GAB1: variants seen among roughly 807,000 people sequenced by gnomAD.
The protein encoded by GAB1 is GRB2-associated-binding protein 1.
In GAB1, 19 loss-of-function variants were observed where a neutral mutation model predicts 66.5. The ratio of observed to expected loss-of-function variants is 0.29; its 90% confidence interval spans 0.20 to 0.42. The LOEUF (loss-of-function observed/expected upper bound fraction) is 0.42, where lower values mean the gene tolerates loss of function less well. GAB1 is among the 10% of genes least tolerant of loss of function. The pLI is 1.00. For synonymous variants in GAB1, 294 were observed against 301.4 expected, an observed-to-expected ratio of 0.98 and a Z score of 0.25; for missense variants, 732 against 858.5, an observed-to-expected ratio of 0.85 and a Z score of 1.84.
intron 1 of GAB1, among the ~76,000 whole-genome samples, chr4:143,371,599 G>T (rs1338679427): frequency 6.6e-6 from 1 of 152,138 alleles, no homozygotes; most frequent in South Asian, 2.1e-4. Context: ...ATTGCTTTTG[G>T]TGTTTTAGTC....
rs190175423 is a variant in GAB1, at chr4:143,462,832, T to A, written c.1803+2345T>A. Among the ~76,000 whole-genome samples the A allele has an allele frequency of 1.4e-4, 22 of 152,208 alleles. No individual in the cohort carries two copies. In the East Asian group the frequency reaches 4.1e-3, roughly 28 times the overall value. ...TTGCGCCACCACACACGACTAATTT[T>A]TGTGTTTTTGGTAGAGACAGGGTTT... On this transcript the variant is annotated intron_variant, in intron 8 of 9. Transcript: ENST00000262994.
At chr4:143,463,051 GA>G (rs1228285663) in intron 8 of GAB1, among the ~76,000 whole-genome samples, 1 of 152,120 alleles carries the variant, frequency 6.6e-6, no homozygotes, top group Admixed American at 6.5e-5. Context: ...AAGTACAATA[GA>G]AAAGTCAACA....
At chr4:143,349,580 C>T (rs1729110939) in intron 1 of GAB1, 1 of 1,503,146 alleles carries the variant, frequency 6.7e-7, no homozygotes, top group Non-Finnish European at 9.0e-7. Context: ...ATGAGGTGCA[C>T]CAGCACAGAG....
intron 1 of GAB1, among the ~76,000 whole-genome samples, chr4:143,409,394 C>CA (rs907397631): frequency 6.7e-6 from 1 of 149,710 alleles, no homozygotes; most frequent in Non-Finnish European, 1.5e-5. Flanking sequence ...TTTCCCCCCC[C>CA]CCGCTCTGAA....
chr4:143,425,893 C>G lies in GAB1; in HGVS notation c.368-7598C>G, dbSNP rs185255814. On this transcript the variant is annotated intron_variant, in intron 2 of 9. Transcript: ENST00000262994. ...TGGTCTGCAGCTCCCACTGCTCAGG[C>G]CACTGAATGGGTAGGAGCAACCACT... is the stretch of plus-strand genomic sequence containing the variant. 8,781 of 1,416,184 alleles carry G rather than the reference C, an allele frequency of 6.2e-3. 37 individuals are homozygous for G. Among genetic ancestry groups the G allele is most frequent in the Non-Finnish European group, 7.2e-3 (7,361 of 1,016,898 alleles). 87.7% of individuals were successfully genotyped at this position (1,416,184 alleles called of 1,614,324 possible).
intron 1 of GAB1, among the ~76,000 whole-genome samples, chr4:143,357,672 A>C (rs1729503339): frequency 6.6e-6 from 1 of 152,132 alleles, no homozygotes; most frequent in Non-Finnish European, 1.5e-5. Flanking sequence ...GGTAGTTTCC[A>C]TAGTTTGGGC....
intron 1 of GAB1, among the ~76,000 whole-genome samples, chr4:143,358,054 G>A (rs183158138): frequency 2.0e-3 from 312 of 152,218 alleles, no homozygotes; most frequent in African/African-American, 7.1e-3. Flanking sequence ...ACCTAGGAAA[G>A]AACTCCGGTA....
At chr4:143,444,086 T>G (rs1311956946) in intron 6 of GAB1, among the ~76,000 whole-genome samples, 1 of 152,164 alleles carries the variant, frequency 6.6e-6, no homozygotes, top group Non-Finnish European at 1.5e-5. Flanking sequence ...ACAGGACAAA[T>G]TATATTTTGA....
rs1286050799 is a variant in GAB1, at chr4:143,418,590, G to A, written c.367+2819G>A. The stretch of plus-strand genomic sequence containing the variant: ...GCCTTTTCAATGTAGAATTTGTTTG[G>A]GGGGACATAAGGGCAGACTTTTGTC... On this transcript the variant is annotated intron_variant, in intron 2 of 9. Coordinates refer to ENST00000262994, the MANE Select transcript of GAB1 (RefSeq NM_002039.4). 2.0e-5 allele frequency among the ~76,000 whole-genome samples: 3 copies of A among 151,978 alleles called. No individual in the cohort carries two copies. In the East Asian group the frequency reaches 5.8e-4, roughly 29 times the overall value.
chr4:143,410,073 C>G lies in GAB1; in HGVS notation c.73-5404C>G, dbSNP rs533677251. ...GCTTTTTTTTTTTTTAAGCAAAGCT[C>G]TCCGGATATTTCTAATGTGCATTCA... On this transcript the variant is annotated intron_variant, in intron 1 of 9. Transcript: ENST00000262994. Among the ~76,000 whole-genome samples the G allele has an allele frequency of 3.9e-3, 586 of 150,464 alleles. 4 individuals are homozygous for G. The highest frequency in any genetic ancestry group is 7.4e-3 in the Non-Finnish European group (498 of 67,710).
At chr4:143,429,108 T>A (rs114952182) in intron 2 of GAB1, among the ~76,000 whole-genome samples, 1,571 of 152,304 alleles carry the variant, frequency 0.01, 24 homozygotes, top group African/African-American at 0.036. Context: ...TTTTTATTTA[T>A]TTATTTATTT....
At chr4:143,466,480 CTTTTTTTT>C (rs776557170) in intron 9 of GAB1, among the ~76,000 whole-genome samples, 2 of 67,262 alleles carry the variant, frequency 3.0e-5, no homozygotes, top group African/African-American at 1.3e-4. Context: ...TTAACAAATT[CTTTTTTTT>C]TTTTTTTTTT....
intron 1 of GAB1, among the ~76,000 whole-genome samples, chr4:143,388,111 C>A (rs1321863407): frequency 6.6e-6 from 1 of 152,144 alleles, no homozygotes; most frequent in Non-Finnish European, 1.5e-5. Context: ...TAAGGATAAG[C>A]GCTCCCTTTT....
chr4:143,376,920 C>T (rs1390285001), intron 1 of GAB1: 2 of 152,120 alleles, frequency 1.3e-5, no homozygotes, highest in Non-Finnish European at 2.9e-5. Context: ...ATTTTGATCC[C>T]TATCATTCTT....
chr4:143,376,727 A>G (rs189032520), intron 1 of GAB1: 3 of 152,350 alleles, frequency 2.0e-5, no homozygotes, highest in East Asian at 1.9e-4. Flanking sequence ...TCTTGTGGTT[A>G]TTTTAAGACT....
chr4:143,458,096 A>G (rs1052045432), intron 6 of GAB1, among the ~76,000 whole-genome samples: 6 of 152,066 alleles, frequency 3.9e-5, no homozygotes, highest in Non-Finnish European at 7.4e-5. Context: ...GTCTTTATGT[A>G]TATGTGTTCT....
chr4:143,425,665 A>G, intron 2 of GAB1: 1 of 760,316 alleles, frequency 1.3e-6, no homozygotes, highest in Non-Finnish European at 2.4e-6. Flanking sequence ...AGAGATCCTG[A>G]AGTGATTAAA....
chr4:143,401,774 T>C (rs764332894), intron 1 of GAB1, among the ~76,000 whole-genome samples: 9 of 152,216 alleles, frequency 5.9e-5, no homozygotes, highest in Admixed American at 2.0e-4. Context: ...ATGTATGATA[T>C]GAATAAAGAT....
chr4:143,395,307 C>CAATAAATATTCAATAA (rs1731388094), intron 1 of GAB1: 2 of 152,394 alleles, frequency 1.3e-5, no homozygotes, highest in African/African-American at 4.8e-5. Context: ...AACAGTGGAA[C>CAATAAATATTCAATAA]ATGTTCAATA....
Sources: gnomAD v4.1 joint callset for allele counts (sites outside exome capture counted in the v4.1 genomes callset) on GRCh38, gnomAD v4.1.1 for gene constraint, MANE v1.5 for transcripts, NCBI Gene and HGNC (gene_info 2026-07-23, HGNC 2026-07-21) for gene names.